PPFIA2: variants seen among roughly 807,000 people sequenced by gnomAD.
PPFIA2 encodes the protein PPFI scaffold protein A2.
In PPFIA2, 46 loss-of-function variants were observed where a neutral mutation model predicts 175.5. The observed-to-expected ratio is 0.26, with a 90% CI of 0.21 to 0.34. The LOEUF is 0.34. Ranked by LOEUF, PPFIA2 falls within the 10% of genes least tolerant of loss-of-function variation. The probability of loss-of-function intolerance (pLI) is 1.00; values close to 1 mark genes in which losing one functional copy is unlikely to be tolerated. For synonymous variants in PPFIA2, 568 were observed against 511.4 expected (o/e 1.11, Z -1.49); for missense variants, 1,179 against 1,506.1 (o/e 0.78, Z 3.60).
intron 24 of PPFIA2, among the ~76,000 whole-genome samples, chr12:81,285,176 C>T (rs767511234): frequency 6.6e-6 from 1 of 152,088 alleles, no homozygotes; most frequent in South Asian, 2.1e-4. Flanking sequence ...TAGTAACATA[C>T]AGATCAGGCA....
At chr12:81,541,898 A>G (rs914948797) in intron 4 of PPFIA2, among the ~76,000 whole-genome samples, 14 of 152,108 alleles carry the variant, frequency 9.2e-5, no homozygotes, top group African/African-American at 3.4e-4. Context: ...TGGAAGTTAC[A>G]GACAAGCAAG....
rs547041500 is a variant in PPFIA2, at chr12:81,598,474, G to A, written c.303+78317C>T. ...TTCATTTCAGGGAAGCATGCACAGT[G>A]TATTCAGAGGACCTCTTCTGACTAA... On this transcript the variant is annotated intron_variant, in intron 4 of 32. Coordinates refer to ENST00000549396, the MANE Select transcript of PPFIA2 (RefSeq NM_003625.5). 31 of 643,118 alleles carry A rather than the reference G, an allele frequency of 4.8e-5. No individual in the cohort carries two copies. The African/African-American group carries it at 5.9e-4, about 12-fold the overall frequency. 39.8% of individuals were successfully genotyped at this position (643,118 alleles called of 1,614,324 possible).
chr12:81,537,466 ATTCC>A (rs1280536923), intron 4 of PPFIA2, among the ~76,000 whole-genome samples: 1 of 151,892 alleles, frequency 6.6e-6, no homozygotes, highest in Non-Finnish European at 1.5e-5. Flanking sequence ...AAAATCAATT[ATTCC>A]TTACTGTGTG....
chr12:81,504,297 C>A (rs566311692), intron 4 of PPFIA2, among the ~76,000 whole-genome samples: 2 of 151,942 alleles, frequency 1.3e-5, no homozygotes, highest in South Asian at 4.2e-4. Context: ...AACAAATTTA[C>A]GAGAAAAATC....
At chr12:81,327,729 C>A (rs1207840482) in intron 21 of PPFIA2, among the ~76,000 whole-genome samples, 2 of 151,344 alleles carry the variant, frequency 1.3e-5, no homozygotes, top group Non-Finnish European at 2.9e-5. Flanking sequence ...TATTCATATA[C>A]CCAAAATTTT....
At chr12:81,634,598 T>C (rs1264713690) in intron 4 of PPFIA2, among the ~76,000 whole-genome samples, 1 of 152,070 alleles carries the variant, frequency 6.6e-6, no homozygotes, top group Non-Finnish European at 1.5e-5. Context: ...ATTGACCTCT[T>C]GTGAAAAGTG....
chr12:81,537,988 T>G (rs1851386), intron 4 of PPFIA2, among the ~76,000 whole-genome samples: 18,136 of 151,902 alleles, frequency 0.12, 1,152 homozygotes, highest in Middle Eastern at 0.19. Flanking sequence ...ACATTATCCA[T>G]GTTTGCAATC....
chr12:81,490,413 G>A (rs2059302114), intron 4 of PPFIA2, among the ~76,000 whole-genome samples: 1 of 151,816 alleles, frequency 6.6e-6, no homozygotes, highest in South Asian at 2.1e-4. Context: ...GTTTCTCCTT[G>A]GTAGTGTCTC....
intron 4 of PPFIA2, among the ~76,000 whole-genome samples, chr12:81,605,652 T>C (rs1163853064): frequency 4.3e-4 from 45 of 103,906 alleles, no homozygotes; most frequent in African/African-American, 1.6e-3. Flanking sequence ...TCCATCCAGC[T>C]ATCTATCTAT....
At chr12:81,724,539 T>C (rs1254098336) in intron 3 of PPFIA2, among the ~76,000 whole-genome samples, 6 of 150,958 alleles carry the variant, frequency 4.0e-5, no homozygotes, top group African/African-American at 1.5e-4. Context: ...TCCACATGTA[T>C]GCATTATTTA....
chr12:81,410,819 T>C (rs2043817248), intron 7 of PPFIA2, among the ~76,000 whole-genome samples: 1 of 152,014 alleles, frequency 6.6e-6, no homozygotes, highest in African/African-American at 2.4e-5. Flanking sequence ...CTCTATCTAC[T>C]AAGGAAGGTA....
intron 24 of PPFIA2, among the ~76,000 whole-genome samples, chr12:81,293,843 G>A (rs2045693443): frequency 1.3e-5 from 2 of 152,090 alleles, no homozygotes; most frequent in Admixed American, 6.6e-5. Flanking sequence ...CTGCACTCAT[G>A]TCTTTATCAC....
intron 22 of PPFIA2, 135 bp downstream of exon 22, chr12:81,325,642 G>T: frequency 1.7e-6 from 1 of 605,146 alleles, no homozygotes; most frequent in Middle Eastern, 4.5e-4. Flanking sequence ...AGCCCTGAGT[G>T]TTTTAGGTAG....
chr12:81,474,259 C>G (rs957475650), intron 4 of PPFIA2, among the ~76,000 whole-genome samples: 3 of 152,154 alleles, frequency 2.0e-5, no homozygotes, highest in Admixed American at 6.6e-5. Context: ...CGGTTTCAAG[C>G]AATTCTTGTG....
intron 4 of PPFIA2, 150 bp from the exon 5 acceptor site, chr12:81,458,016 A>C: frequency 1.7e-6 from 1 of 590,152 alleles, no homozygotes; most frequent in Non-Finnish European, 3.0e-6. Context: ...TCTTAAATAC[A>C]TTATTCAAAA....
At chr12:81,597,248 A>G (rs1465062229) in intron 4 of PPFIA2, among the ~76,000 whole-genome samples, 1 of 152,116 alleles carries the variant, frequency 6.6e-6, no homozygotes, top group Admixed American at 6.6e-5. Context: ...AATCTGATCT[A>G]GTTTAGACTT....
intron 7 of PPFIA2, among the ~76,000 whole-genome samples, chr12:81,436,329 A>T (rs12817409): frequency 1.5e-5 from 2 of 129,386 alleles, no homozygotes; most frequent in East Asian, 2.2e-4. Flanking sequence ...AAAAAAAAAA[A>T]GTTAAATCTG....
chr12:81,355,054 G>T (rs1166484257), intron 16 of PPFIA2, among the ~76,000 whole-genome samples: 2 of 152,086 alleles, frequency 1.3e-5, no homozygotes, highest in Non-Finnish European at 2.9e-5. Flanking sequence ...TCCATCAGAG[G>T]AGTCACTACC....
At chr12:81,514,779 G>T (rs1465158492) in intron 4 of PPFIA2, among the ~76,000 whole-genome samples, 1 of 151,596 alleles carries the variant, frequency 6.6e-6, no homozygotes, top group East Asian at 1.9e-4. Flanking sequence ...ATCCTGCATG[G>T]GCTACCTTTA....
Sources: allele counts gnomAD v4.1 joint callset (sites outside exome capture counted in the v4.1 genomes callset), GRCh38; gene constraint gnomAD v4.1.1; transcripts MANE v1.5; gene names NCBI Gene and HGNC (gene_info 2026-07-23, HGNC 2026-07-21).